The following PRKRIP1 variants were observed in gnomAD, a reference collection of about 807,000 sequenced individuals.
PRKRIP1 encodes the protein PRKR interacting protein 1.
In PRKRIP1, 29 loss-of-function variants were observed where a neutral mutation model predicts 29.3. That is an observed-to-expected ratio of 0.99 (90% CI 0.74 to 1.35). PRKRIP1 has a LOEUF of 1.35. Ranked by LOEUF, PRKRIP1 falls within the 40% of genes most tolerant of loss-of-function variation. PRKRIP1 has a pLI of 0.00. For synonymous variants in PRKRIP1, 90 were observed against 85.1 expected (o/e 1.06, Z -0.32); for missense variants, 247 against 236.8 (o/e 1.04, Z -0.28).
intron 3 of PRKRIP1, among the ~76,000 whole-genome samples, chr7:102,400,565 G>GT (rs1796039387): frequency 6.6e-6 from 1 of 152,126 alleles, no homozygotes; most frequent in Admixed American, 6.6e-5. Flanking sequence ...GGGAAAAGAC[G>GT]TATGAGGGGA....
At chr7:102,422,404 C>T (rs1405706054) in intron 5 of PRKRIP1, among the ~76,000 whole-genome samples, 7 of 151,268 alleles carry the variant, frequency 4.6e-5, no homozygotes, top group South Asian at 2.1e-4. Context: ...GCATGATCTC[C>T]GCTTGCTGCA....
At chr7:102,407,543 T>G (rs1796266341) in intron 5 of PRKRIP1, 45 bp downstream of exon 5, 1 of 1,407,276 alleles carries the variant, frequency 7.1e-7, no homozygotes, top group African/African-American at 1.4e-5. Context: ...TTTCTTCTTG[T>G]TGGTCACAGT....
intron 3 of PRKRIP1, among the ~76,000 whole-genome samples, chr7:102,400,031 G>GA (rs1420008910): frequency 6.2e-5 from 9 of 144,502 alleles, no homozygotes; most frequent in Non-Finnish European, 1.4e-4. Flanking sequence ...GAAAAGAAAA[G>GA]AAAAAAGCGT....
At chr7:102,408,454 C>T (rs1796288964) in intron 5 of PRKRIP1, among the ~76,000 whole-genome samples, 1 of 152,192 alleles carries the variant, frequency 6.6e-6, no homozygotes, top group African/African-American at 2.4e-5. Flanking sequence ...GTTAGGTCAG[C>T]ATCCCACCGT....
intron 5 of PRKRIP1, among the ~76,000 whole-genome samples, chr7:102,420,775 C>T (rs1330230483): frequency 2.0e-5 from 3 of 152,190 alleles, no homozygotes; most frequent in Non-Finnish European, 4.4e-5. Context: ...TGAACACTGA[C>T]ATGACGCTCC....
intron 5 of PRKRIP1, among the ~76,000 whole-genome samples, chr7:102,418,206 C>A: frequency 6.6e-6 from 1 of 151,984 alleles, no homozygotes; most frequent in South Asian, 2.1e-4. Context: ...CGTGCCACCA[C>A]ACTCAGCTAA....
rs13235202 is a variant in PRKRIP1, at chr7:102,397,816, C to A, written c.205+118C>A. On this transcript the variant is annotated intron_variant, in intron 2 of 5. Transcript: ENST00000397912. The stretch of plus-strand genomic sequence containing the variant: ...ATCCCAGCACTTTGGGAGGCCGAGG[C>A]GGGCGGATCATGAGGTCAGGAGATC... 9.8e-4 allele frequency: 817 copies of A among 830,830 alleles called. 7 individuals carry two copies. The highest frequency in any genetic ancestry group is 7.4e-3 in the African/African-American group (426 of 57,262). 51.5% of individuals were successfully genotyped at this position (830,830 alleles called of 1,614,324 possible). A position where few individuals can be genotyped will look rare whatever the true frequency, so the allele number is the denominator to read the frequency against.
chr7:102,407,838 C>T (rs782453113), intron 5 of PRKRIP1, among the ~76,000 whole-genome samples: 2 of 152,170 alleles, frequency 1.3e-5, no homozygotes, highest in African/African-American at 2.4e-5. Flanking sequence ...GTGCCTGCAG[C>T]AGCTCTCGGG....
chr7:102,404,614 A>G lies in PRKRIP1; in HGVS notation c.323A>G (p.Glu108Gly). The change falls in exon 4 of 6, where the codon GAG becomes GGG. Residue 108 changes from glutamate (E) to glycine (G), a missense_variant. This residue lies in a region of PRKRIP1 where 134 missense variants were observed against 126.6 expected (regional missense o/e 1.06). Transcript: ENST00000397912. ...TTGTTGCAGCAAAAATTGGATGCAG[A>G]GTTTCAGAAAAGACTGGAAAAGAAT... ...AMAEKQKLDAEFQKRLEKNKI... is the reference protein window; with the variant it reads ...AMAEKQKLDAGFQKRLEKNKI... 1.2e-6 allele frequency: 2 copies of G among 1,613,944 alleles called. No homozygotes were observed.
At chr7:102,404,161 TCAAAA>T (rs1213201207) in intron 3 of PRKRIP1, among the ~76,000 whole-genome samples, 2 of 152,124 alleles carry the variant, frequency 1.3e-5, no homozygotes, top group Non-Finnish European at 2.9e-5. Context: ...AGACCTTGTC[TCAAAA>T]CAAAAACAAA....
intron 5 of PRKRIP1, among the ~76,000 whole-genome samples, chr7:102,420,274 A>G (rs904515204): frequency 2.0e-5 from 3 of 152,168 alleles, no homozygotes; most frequent in Non-Finnish European, 4.4e-5. Context: ...GATAGGATTA[A>G]TCTTGTTAAC....
chr7:102,419,181 AG>A (rs1485486089), intron 5 of PRKRIP1, among the ~76,000 whole-genome samples: 2 of 152,268 alleles, frequency 1.3e-5, no homozygotes, highest in Admixed American at 6.5e-5. Flanking sequence ...TGGGAGGCTG[AG>A]GTGGGCAGAT....
intron 1 of PRKRIP1, 22 bp downstream of exon 1, chr7:102,396,559 A>C: frequency 6.3e-7 from 1 of 1,599,754 alleles, no homozygotes; most frequent in South Asian, 1.1e-5. Context: ...CCCAGGCTCC[A>C]CGGCCCGTCC....
rs375884258 is a variant in PRKRIP1 at position 102,407,511 on chromosome 7, C to T, written c.457+13C>T. ...AAGAAACAAGAAGGTGAGTGGTGCC[C>T]ACTTTTCTTGGCTGTAGCTTCTTTC... is the stretch of plus-strand genomic sequence containing the variant. On this transcript the variant is annotated intron_variant, in intron 5 of 5. Transcript: ENST00000397912. The T allele has an allele frequency of 6.7e-5, 108 of 1,600,520 alleles. No homozygotes were observed. Among genetic ancestry groups the T allele is most frequent in the Admixed American group, 3.0e-4 (18 of 59,798 alleles).
intron 3 of PRKRIP1, among the ~76,000 whole-genome samples, chr7:102,402,710 G>T (rs563240427): frequency 6.6e-6 from 1 of 152,042 alleles, no homozygotes; most frequent in African/African-American, 2.4e-5. Context: ...TAAAAAAAAG[G>T]CAAGCACGTC....
chr7:102,404,115 A>T (rs1280626342), intron 3 of PRKRIP1, among the ~76,000 whole-genome samples: 1 of 152,194 alleles, frequency 6.6e-6, no homozygotes. Context: ...GTAGTGAGCT[A>T]TTGTGCCACT....
intron 4 of PRKRIP1, among the ~76,000 whole-genome samples, chr7:102,406,870 C>CAA (rs113919351): frequency 2.0e-5 from 2 of 97,712 alleles, no homozygotes; most frequent in Non-Finnish European, 4.4e-5. Flanking sequence ...AAGTCATTAG[C>CAA]AAAAAAAAAA....
intron 3 of PRKRIP1, among the ~76,000 whole-genome samples, chr7:102,401,044 A>G (rs550767598): frequency 1.3e-5 from 2 of 152,328 alleles, no homozygotes; most frequent in African/African-American, 4.8e-5. Flanking sequence ...TCTGCAGCTT[A>G]CTTTGAAATG....
chr7:102,399,388 A>G (rs1796005094), intron 2 of PRKRIP1, among the ~76,000 whole-genome samples, 160 bp from the exon 3 acceptor site: 1 of 152,110 alleles, frequency 6.6e-6, no homozygotes, highest in Non-Finnish European at 1.5e-5. Flanking sequence ...GACATCTACA[A>G]TATGCCAGGT....
Sources: gnomAD v4.1 joint callset for allele counts (sites outside exome capture counted in the v4.1 genomes callset) on GRCh38, gnomAD v4.1.1 for gene constraint, gnomAD v4.1.1 regional missense constraint, MANE v1.5 for transcripts, NCBI Gene and HGNC (gene_info 2026-07-23, HGNC 2026-07-21) for gene names.